The following NCALD variants were observed in gnomAD, a reference collection of about 807,000 sequenced individuals.
NCALD encodes neurocalcin-delta.
NCALD carries 10 observed loss-of-function variants against 18.6 expected under a neutral mutation model. The observed-to-expected ratio is 0.54, with a 90% confidence interval of 0.33 to 0.91. The LOEUF (loss-of-function observed/expected upper bound fraction) is 0.91, where lower values mean the gene tolerates loss of function less well. Ranked by LOEUF, NCALD falls within the 40% of genes least tolerant of loss-of-function variation. The pLI is 0.03. For missense variants in NCALD, 184 were observed against 247.6 expected, an observed-to-expected ratio of 0.74 and a Z score of 1.72; for synonymous variants, 88 against 87.4, an observed-to-expected ratio of 1.01 and a Z score of -0.04.
chr8:102,097,289 G>A (rs1825133764), intron 1 of NCALD, among the ~76,000 whole-genome samples: 1 of 152,158 alleles, frequency 6.6e-6, no homozygotes. Context: ...TTCATTCATG[G>A]CATCTAACAT....
intron 4 of NCALD, among the ~76,000 whole-genome samples, chr8:101,875,486 G>A (rs900031094): frequency 3.9e-5 from 6 of 152,028 alleles, no homozygotes; most frequent in Admixed American, 3.9e-4. Context: ...CGTGTCCCCT[G>A]GTTACTGGGG....
At chr8:101,991,806 C>G (rs1821059357) in intron 2 of NCALD, among the ~76,000 whole-genome samples, 1 of 152,152 alleles carries the variant, frequency 6.6e-6, no homozygotes. Flanking sequence ...AGGCAGGTGC[C>G]ATGGAGGACC....
At chr8:102,020,791 A>G (rs1242705671) in intron 1 of NCALD, among the ~76,000 whole-genome samples, 1 of 152,156 alleles carries the variant, frequency 6.6e-6, no homozygotes, top group African/African-American at 2.4e-5. Flanking sequence ...GCACTTCATC[A>G]TTTAACATCT....
intron 1 of NCALD, among the ~76,000 whole-genome samples, chr8:102,061,030 G>A (rs572775839): frequency 1.4e-4 from 22 of 152,028 alleles, no homozygotes; most frequent in Admixed American, 1.3e-3. Flanking sequence ...CCAGACTCCC[G>A]CCCCCACAAC....
At chr8:102,051,177 G>A (rs1823445178) in intron 1 of NCALD, among the ~76,000 whole-genome samples, 1 of 152,000 alleles carries the variant, frequency 6.6e-6, no homozygotes, top group Admixed American at 6.6e-5. Flanking sequence ...GTAAATTTTA[G>A]TTGGCCTCAC....
intron 2 of NCALD, among the ~76,000 whole-genome samples, chr8:101,695,752 G>A (rs1814960335): frequency 2.0e-5 from 3 of 152,042 alleles, no homozygotes; most frequent in Non-Finnish European, 4.4e-5. Flanking sequence ...CACCCAGAAT[G>A]TTCTCCTTTT....
At position 102,077,833 on chromosome 8, in the gene NCALD, C is replaced by T. The variant is rs149821759; in HGVS notation, c.-210+46404G>A. On this transcript the variant is annotated intron_variant, in intron 1 of 6. Coordinates refer to the NCALD transcript ENST00000311028. ...CTCGGTTCTCTTTGGTGGCTCTCCT[C>T]CTCATCTCCACCTCTAGATATCGGG... is the stretch of plus-strand genomic sequence containing the variant. 6.2e-3 allele frequency among the ~76,000 whole-genome samples: 951 copies of T among 152,324 alleles called. 8 individuals carry two copies. Among genetic ancestry groups the T allele is most frequent in the South Asian group, 0.018 (88 of 4,828 alleles).
intron 1 of NCALD, among the ~76,000 whole-genome samples, chr8:102,079,555 A>G (rs766263015): frequency 2.0e-5 from 3 of 152,266 alleles, no homozygotes; most frequent in South Asian, 4.1e-4. Context: ...TGCTGTCTAT[A>G]AAGGAGGAAA....
At chr8:101,804,559 T>G (rs1410093983) in intron 4 of NCALD, among the ~76,000 whole-genome samples, 3 of 121,970 alleles carry the variant, frequency 2.5e-5, no homozygotes, top group Non-Finnish European at 4.9e-5. Flanking sequence ...ATTGATTATA[T>G]AATATATAAT....
chr8:102,043,897 G>A (rs997645101), intron 1 of NCALD, among the ~76,000 whole-genome samples: 1 of 151,784 alleles, frequency 6.6e-6, no homozygotes, highest in African/African-American at 2.4e-5. Flanking sequence ...TGAAGTAAAG[G>A]CCAAGCCAGA....
At chr8:101,893,643 G>A (rs1331490767) in intron 3 of NCALD, among the ~76,000 whole-genome samples, 3 of 124,064 alleles carry the variant, frequency 2.4e-5, no homozygotes, top group African/African-American at 1.1e-4. Context: ...GACACACATA[G>A]GCTCAAAATA....
At chr8:101,944,135 C>A (rs1181240509) in intron 2 of NCALD, among the ~76,000 whole-genome samples, 2 of 152,274 alleles carry the variant, frequency 1.3e-5, no homozygotes, top group East Asian at 1.9e-4. Flanking sequence ...ATGTACCAGA[C>A]AAGCCATGCA....
chr8:101,776,523 T>C (rs1029527394), intron 1 of NCALD, among the ~76,000 whole-genome samples: 3 of 152,050 alleles, frequency 2.0e-5, no homozygotes, highest in Admixed American at 6.6e-5. Context: ...GGGAGGACTT[T>C]CAGATGGTGA....
At chr8:102,106,895 C>A (rs1286668604) in intron 1 of NCALD, among the ~76,000 whole-genome samples, 1 of 152,026 alleles carries the variant, frequency 6.6e-6, no homozygotes, top group Admixed American at 6.6e-5. Context: ...TCAAACCACT[C>A]TCCTATGACA....
chr8:101,992,214 GT>G (rs1352160121), intron 2 of NCALD, among the ~76,000 whole-genome samples: 1 of 152,050 alleles, frequency 6.6e-6, no homozygotes, highest in African/African-American at 2.4e-5. Flanking sequence ...CGGTGGGCTT[GT>G]TTTCATTCTC....
chr8:101,713,483 T>C (rs1269436072), intron 2 of NCALD, among the ~76,000 whole-genome samples: 2 of 44,046 alleles, frequency 4.5e-5, no homozygotes, highest in Non-Finnish European at 8.6e-5. Flanking sequence ...AATCAAGGAA[T>C]CAAGGAACTG....
chr8:101,829,887 G>T (rs1257492930), intron 4 of NCALD, among the ~76,000 whole-genome samples: 4 of 150,798 alleles, frequency 2.7e-5, no homozygotes, highest in Non-Finnish European at 5.9e-5. Flanking sequence ...AAGGCATTTG[G>T]CATTTTGTTT....
chr8:101,995,212 G>A (rs761103801), intron 2 of NCALD, among the ~76,000 whole-genome samples: 19 of 152,294 alleles, frequency 1.2e-4, no homozygotes, highest in East Asian at 1.9e-4. Context: ...ACTAAGATGC[G>A]AGAAGGATCT....
chr8:101,853,233 GTTTAAAACA>G (rs931233838), intron 4 of NCALD, among the ~76,000 whole-genome samples: 2 of 152,168 alleles, frequency 1.3e-5, no homozygotes, highest in African/African-American at 2.4e-5. Context: ...GTAAATAAGT[GTTTAAAACA>G]TTTAAAACAA....
Sources: gnomAD v4.1 joint callset for allele counts (sites outside exome capture counted in the v4.1 genomes callset) on GRCh38, gnomAD v4.1.1 for gene constraint, MANE v1.5 for transcripts, NCBI Gene and HGNC (gene_info 2026-07-23, HGNC 2026-07-21) for gene names.